The following RBPJ variants were observed in gnomAD, a reference collection of about 807,000 sequenced individuals.
The protein encoded by RBPJ is recombination signal binding protein for immunoglobulin kappa J region.
RBPJ carries 9 observed loss-of-function variants against 67.8 expected under a neutral mutation model. That is an observed-to-expected ratio of 0.13 (90% confidence interval 0.08 to 0.23). The LOEUF is 0.23. Among genes scored for constraint, RBPJ ranks in the 10% least tolerant of loss-of-function variants. The pLI is 1.00. For synonymous variants in RBPJ, 198 were observed against 203.3 expected, an observed-to-expected ratio of 0.97 and a Z score of 0.22; for missense variants, 305 against 595.6, an observed-to-expected ratio of 0.51 and a Z score of 5.08.
At chr4:26,164,390 T>C (rs1716184794) in intron 1 of RBPJ, among the ~76,000 whole-genome samples, 1 of 152,214 alleles carries the variant, frequency 6.6e-6, no homozygotes, top group South Asian at 2.1e-4. Context: ...TATTAGGTAT[T>C]TCAGAAACAA....
At chr4:26,236,389 T>C (rs1248277642) in intron 1 of RBPJ, among the ~76,000 whole-genome samples, 1 of 152,196 alleles carries the variant, frequency 6.6e-6, no homozygotes, top group Non-Finnish European at 1.5e-5. Context: ...AGTTCAGGAA[T>C]TCAGGAGTGC....
chr4:26,246,804 A>G (rs984972822), intron 1 of RBPJ, among the ~76,000 whole-genome samples: 5 of 151,800 alleles, frequency 3.3e-5, no homozygotes, highest in African/African-American at 1.2e-4. Context: ...AAATGGAGGG[A>G]AAAAAATGGA....
chr4:26,334,422 T>A (rs1235538286), intron 1 of RBPJ, among the ~76,000 whole-genome samples: 1 of 152,174 alleles, frequency 6.6e-6, no homozygotes, highest in African/African-American at 2.4e-5. Flanking sequence ...GTTTTTAAAT[T>A]CTGTATACAT....
intron 3 of RBPJ, among the ~76,000 whole-genome samples, chr4:26,410,491 A>C (rs1733911021): frequency 6.6e-6 from 1 of 152,202 alleles, no homozygotes; most frequent in African/African-American, 2.4e-5. Context: ...TTTTATCTAG[A>C]GCTTTCTTGA....
intron 1 of RBPJ, among the ~76,000 whole-genome samples, chr4:26,282,076 T>C (rs1016433391): frequency 2.0e-5 from 3 of 152,154 alleles, no homozygotes; most frequent in African/African-American, 7.2e-5. Context: ...GAGAGTCAGT[T>C]TCTCAAGGGA....
intron 1 of RBPJ, among the ~76,000 whole-genome samples, chr4:26,287,609 G>A (rs1335488903): frequency 1.2e-4 from 4 of 34,512 alleles, no homozygotes; most frequent in Non-Finnish European, 2.7e-4. Context: ...GGGAGGGGAG[G>A]GGAGGGGAGG....
chr4:26,399,014 C>T (rs1199217893), intron 2 of RBPJ, among the ~76,000 whole-genome samples: 4 of 152,114 alleles, frequency 2.6e-5, no homozygotes, highest in Non-Finnish European at 5.9e-5. Context: ...TTCTTCTTGG[C>T]TTTTTTTGTT....
chr4:26,145,505 A>G, the RBPJ span, among the ~76,000 whole-genome samples: 2 of 152,194 alleles, frequency 1.3e-5, no homozygotes, highest in Admixed American at 6.5e-5. Flanking sequence ...TATCTGTCCT[A>G]TGTTTATTGT....
At chr4:26,247,184 A>AT (rs1221549548) in intron 1 of RBPJ, among the ~76,000 whole-genome samples, 1 of 151,710 alleles carries the variant, frequency 6.6e-6, no homozygotes, top group South Asian at 2.1e-4. Flanking sequence ...TTGAAAGTTT[A>AT]TTTTTTTCAT....
chr4:26,417,132 A>T (rs1399975757), intron 4 of RBPJ, among the ~76,000 whole-genome samples: 1 of 152,176 alleles, frequency 6.6e-6, no homozygotes, highest in Non-Finnish European at 1.5e-5. Context: ...GTAGACATTC[A>T]GTACTATGAA....
intron 1 of RBPJ, chr4:26,384,017 G>A (rs889211850): frequency 1.3e-5 from 2 of 152,026 alleles, no homozygotes; most frequent in South Asian, 2.1e-4. Context: ...ACACCACCAT[G>A]CCGGGCTAAT....
intron 1 of RBPJ, among the ~76,000 whole-genome samples, chr4:26,356,417 C>A (rs1397780724): frequency 6.6e-6 from 1 of 152,194 alleles, no homozygotes; most frequent in Non-Finnish European, 1.5e-5. Flanking sequence ...ATCTGTTTAG[C>A]TTCTTCCTGT....
chr4:26,230,108 G>A (rs1719225336), intron 1 of RBPJ, among the ~76,000 whole-genome samples: 1 of 151,778 alleles, frequency 6.6e-6, no homozygotes, highest in Admixed American at 6.6e-5. Context: ...GAGGATCAAG[G>A]GAGCCCAGGA....
chr4:26,412,984 C>T (rs1056868236), intron 3 of RBPJ: 2 of 152,226 alleles, frequency 1.3e-5, no homozygotes, highest in African/African-American at 4.8e-5. Context: ...TCCTTGGCCT[C>T]AGTGTAAGTA....
At chr4:26,110,570 G>T in the RBPJ span, among the ~76,000 whole-genome samples, 9 of 152,318 alleles carry the variant, frequency 5.9e-5, no homozygotes, top group African/African-American at 1.7e-4. This position sits in a 1 kb window ranked among gnomAD's most constrained non-coding sequence, Gnocchi z 4.5. Flanking sequence ...TTATAATTTG[G>T]CATGCACAAA....
At chr4:26,239,962 A>C (rs1027650289) in intron 1 of RBPJ, among the ~76,000 whole-genome samples, 1 of 152,214 alleles carries the variant, frequency 6.6e-6, no homozygotes, top group African/African-American at 2.4e-5. Flanking sequence ...TGTTTTATAA[A>C]GAAAATAAGA....
At chr4:26,385,374 G>A (rs1019493416) in intron 1 of RBPJ, among the ~76,000 whole-genome samples, 5 of 152,084 alleles carry the variant, frequency 3.3e-5, no homozygotes, top group African/African-American at 1.2e-4. Context: ...ACAACTCTTT[G>A]AGGTAAGCAC....
Position 26,352,169 on chromosome 4 carries a change from CAG to C in RBPJ, c.20+31123_20+31124del, listed in dbSNP as rs1234230184. On this transcript the variant is annotated intron_variant, in intron 1 of 10. Transcript: ENST00000355476. Reference sequence around the variant, plus strand: ...TCTTTGTCTTTTTGGGCTACTGTAACAGAATACCGTAAACTAGGTAGCTTATG... The same window carrying C: ...TCTTTGTCTTTTTGGGCTACTGTAACAATACCGTAAACTAGGTAGCTTATG... Among the ~76,000 whole-genome samples, 5 of 152,152 alleles carry C rather than the reference CAG, an allele frequency of 3.3e-5. No individual in the cohort carries two copies. In the East Asian group the frequency reaches 7.7e-4, roughly 23 times the overall value.
At chr4:26,241,130 G>A (rs1437132595) in intron 1 of RBPJ, among the ~76,000 whole-genome samples, 5 of 151,582 alleles carry the variant, frequency 3.3e-5, no homozygotes, top group African/African-American at 7.3e-5. Context: ...CTGGGAATCC[G>A]AGGTTGCAGT....
Sources: allele counts gnomAD v4.1 joint callset (sites outside exome capture counted in the v4.1 genomes callset), GRCh38; gene constraint gnomAD v4.1.1; non-coding constraint Gnocchi (gnomAD v3.1); transcripts MANE v1.5; gene names NCBI Gene and HGNC (gene_info 2026-07-23, HGNC 2026-07-21).